Variants in DCC observed in about 807,000 individuals in gnomAD.
The protein encoded by DCC is DCC netrin 1 receptor, also known as netrin receptor DCC.
In DCC, 58 loss-of-function variants were observed where a neutral mutation model predicts 172.5. The observed-to-expected ratio is 0.34, with a 90% CI of 0.27 to 0.42. The LOEUF is 0.42. Ranked by LOEUF, DCC falls within the 10% of genes least tolerant of loss-of-function variation. The pLI, the probability that DCC is intolerant of heterozygous loss-of-function variation, is 1.00. For synonymous variants in DCC, 709 were observed against 644.5 expected (o/e 1.10, Z -1.52); for missense variants, 1,740 against 1,791.0 (o/e 0.97, Z 0.51).
intron 7 of DCC, among the ~76,000 whole-genome samples, chr18:53,123,034 C>T (rs532675461): frequency 5.9e-5 from 9 of 151,962 alleles, no homozygotes; most frequent in South Asian, 2.1e-4. Flanking sequence ...TACAGATCAT[C>T]GTGAGCAAAA....
chr18:53,376,592 G>A (rs1017180362), intron 15 of DCC, among the ~76,000 whole-genome samples: 1 of 152,016 alleles, frequency 6.6e-6, no homozygotes, highest in East Asian at 1.9e-4. Flanking sequence ...TAACAATAGG[G>A]AAGCAATTAT....
At chr18:52,344,640 G>A (rs1043842329) in intron 1 of DCC, among the ~76,000 whole-genome samples, 2 of 147,406 alleles carry the variant, frequency 1.4e-5, no homozygotes, top group Middle Eastern at 3.4e-3. Flanking sequence ...TCTTTACCTG[G>A]TGCGGCATGT....
At chr18:53,171,506 T>G (rs1019617076) in intron 8 of DCC, among the ~76,000 whole-genome samples, 2 of 152,200 alleles carry the variant, frequency 1.3e-5, no homozygotes, top group Non-Finnish European at 2.9e-5. Context: ...TCCATATCAA[T>G]GAATATGTTT....
At chr18:53,274,918 G>A (rs141349381) in intron 12 of DCC, among the ~76,000 whole-genome samples, 148 of 152,156 alleles carry the variant, frequency 9.7e-4, no homozygotes, top group African/African-American at 3.5e-3. Flanking sequence ...ATTACAGTAC[G>A]GGGAAGCACT....
rs994218064 is a variant in DCC at position 53,450,780 on chromosome 18, G to A, written c.3392+118G>A. The A allele has an allele frequency of 2.3e-6, 2 of 872,190 alleles. 1 individual carries two copies. The highest frequency in any genetic ancestry group is 3.7e-6 in the Non-Finnish European group (2 of 537,554). 54.0% of individuals were successfully genotyped at this position (872,190 alleles called of 1,614,324 possible). On this transcript the variant is annotated intron_variant, in intron 23 of 28. Transcript: ENST00000442544. ...CCCCATGTCCTTACTTCCTAACCCT[G>A]GCAAAACCTTGCGTTTTGTCTATTC...
chr18:52,425,070 A>T (rs1174891980), intron 1 of DCC, among the ~76,000 whole-genome samples: 2 of 152,070 alleles, frequency 1.3e-5, no homozygotes, highest in African/African-American at 4.8e-5. Flanking sequence ...ATTTCTAATC[A>T]TCCATTTTTT....
chr18:52,601,479 T>C (rs1394115644), intron 1 of DCC, among the ~76,000 whole-genome samples: 2 of 152,090 alleles, frequency 1.3e-5, no homozygotes, highest in African/African-American at 4.8e-5. Flanking sequence ...AGTTTTCCTC[T>C]ATGTATCTTG....
At chr18:52,809,771 G>T (rs887544695) in intron 2 of DCC, among the ~76,000 whole-genome samples, 1 of 152,182 alleles carries the variant, frequency 6.6e-6, no homozygotes, top group African/African-American at 2.4e-5. Flanking sequence ...TACAATGAGA[G>T]GGGACCCAAA....
At chr18:52,436,016 G>T (rs558966644) in intron 1 of DCC, among the ~76,000 whole-genome samples, 2 of 152,282 alleles carry the variant, frequency 1.3e-5, no homozygotes, top group Admixed American at 6.5e-5. Context: ...CATTCAGCCC[G>T]GAGTTCTCCG....
intron 7 of DCC, among the ~76,000 whole-genome samples, chr18:53,076,566 C>A (rs1209429998): frequency 6.6e-6 from 1 of 152,082 alleles, no homozygotes; most frequent in Non-Finnish European, 1.5e-5. Context: ...GCCTATACCT[C>A]TTTTTCTGTA....
chr18:52,528,954 A>C (rs2032064127), intron 1 of DCC, among the ~76,000 whole-genome samples: 1 of 152,118 alleles, frequency 6.6e-6, no homozygotes, highest in East Asian at 1.9e-4. Context: ...GCTGTCACCA[A>C]GTTGATACAA....
chr18:53,425,706 T>C (rs1160935498), intron 21 of DCC, among the ~76,000 whole-genome samples: 3 of 152,080 alleles, frequency 2.0e-5, no homozygotes, highest in African/African-American at 7.2e-5. Context: ...AATGCTAAAA[T>C]CATCATCATC....
intron 2 of DCC, among the ~76,000 whole-genome samples, chr18:52,774,277 A>C (rs2037390254): frequency 6.6e-6 from 1 of 152,300 alleles, no homozygotes; most frequent in South Asian, 2.1e-4. Flanking sequence ...GTGCACACTC[A>C]AGTATAAAAA....
At chr18:53,521,740 T>C (rs2046401390) in intron 27 of DCC, among the ~76,000 whole-genome samples, 1 of 152,142 alleles carries the variant, frequency 6.6e-6, no homozygotes, top group African/African-American at 2.4e-5. Flanking sequence ...TATTAAATTG[T>C]AAATTTTCAG....
intron 12 of DCC, among the ~76,000 whole-genome samples, chr18:53,259,785 G>A (rs539622254): frequency 2.2e-4 from 33 of 152,208 alleles, no homozygotes; most frequent in African/African-American, 7.9e-4. Context: ...AAGTTCTCCT[G>A]GATAATATCC....
In DCC at chr18:52,674,965, T is replaced by C. The variant is rs988399513; in HGVS notation, c.92-77089T>C. On this transcript the variant is annotated intron_variant, in intron 1 of 28. Coordinates refer to ENST00000442544, the MANE Select transcript of DCC (RefSeq NM_005215.4). ...CCTATTCTCTACGAAGCCTACTACC[T>C]GGAGGCTGCTTCTGCATGATAAAAC... 2.0e-4 allele frequency among the ~76,000 whole-genome samples: 31 copies of C among 152,204 alleles called. 1 individual carries two copies. The highest frequency in any genetic ancestry group is 8.8e-5 in the Non-Finnish European group (6 of 68,026).
At chr18:53,501,980 A>G (rs2046106463) in intron 27 of DCC, among the ~76,000 whole-genome samples, 1 of 152,222 alleles carries the variant, frequency 6.6e-6, no homozygotes, top group African/African-American at 2.4e-5. Context: ...GAAGGGAAGT[A>G]GAATCAGTTG....
chr18:53,493,772 C>G (rs942576325), intron 26 of DCC, among the ~76,000 whole-genome samples: 1 of 152,092 alleles, frequency 6.6e-6, no homozygotes, highest in African/African-American at 2.4e-5. Context: ...TTCAGTTCTG[C>G]TCTGATCTTA....
At chr18:52,853,443 T>A (rs1174251491) in intron 2 of DCC, among the ~76,000 whole-genome samples, 1 of 152,236 alleles carries the variant, frequency 6.6e-6, no homozygotes, top group Non-Finnish European at 1.5e-5. Context: ...ACATTAAATT[T>A]CACAACCATT....
Sources: gnomAD v4.1 joint callset for allele counts (sites outside exome capture counted in the v4.1 genomes callset) on GRCh38, gnomAD v4.1.1 for gene constraint, MANE v1.5 for transcripts, NCBI Gene and HGNC (gene_info 2026-07-23, HGNC 2026-07-21) for gene names.